Variants in CHMP7 observed in about 807,000 individuals in gnomAD.
CHMP7 encodes charged multivesicular body protein 7.
A neutral mutation model predicts 53.7 loss-of-function variants in CHMP7; 15 were observed. The observed-to-expected ratio is 0.28, with a 90% CI of 0.19 to 0.43. The LOEUF (loss-of-function observed/expected upper bound fraction) is 0.43, where lower values mean the gene tolerates loss of function less well. CHMP7 is among the 20% of genes least tolerant of loss of function. The pLI, the probability that CHMP7 is intolerant of heterozygous loss-of-function variation, is 1.00. For missense variants in CHMP7, 527 were observed against 569.4 expected (o/e 0.93, Z 0.76); for synonymous variants, 261 against 228.0 (o/e 1.14, Z -1.30).
At position 23,260,827 on chromosome 8, in the gene CHMP7, T is replaced by C. The variant is rs1291491047; in HGVS notation, c.*228T>C. ...TGGACCTGCCTTCTCATCTTTATAG[T>C]GCCACGATTTATACAGTCCTGTGTC... On this transcript the variant is annotated 3_prime_UTR_variant, in exon 11 of 11. Coordinates refer to ENST00000397677, the MANE Select transcript of CHMP7 (RefSeq NM_152272.5). 22 of 594,034 alleles carry C rather than the reference T, an allele frequency of 3.7e-5. No individual in the cohort carries two copies. The allele number at this position is 594,034 out of a possible 1,614,324, so 36.8% of individuals were successfully genotyped here.
intron 3 of CHMP7, among the ~76,000 whole-genome samples, chr8:23,254,560 A>ATTT (rs57587219): frequency 9.6e-5 from 14 of 146,088 alleles, no homozygotes; most frequent in African/African-American, 2.8e-4. Flanking sequence ...ACATCCAGCT[A>ATTT]TTTTTTTTTT....
intron 3 of CHMP7, among the ~76,000 whole-genome samples, chr8:23,249,775 A>G (rs984376989): frequency 1.3e-5 from 2 of 152,088 alleles, no homozygotes; most frequent in Non-Finnish European, 2.9e-5. Flanking sequence ...CTACTTTGTG[A>G]CCGTGCCCTT....
intron 3 of CHMP7, 80 bp downstream of exon 3, chr8:23,249,461 A>G (rs1801836476): frequency 2.9e-5 from 34 of 1,155,106 alleles, no homozygotes; most frequent in Non-Finnish European, 3.9e-5. Flanking sequence ...GCGTTCTTGA[A>G]AAAAGACCGT....
chr8:23,258,935 G>A, intron 8 of CHMP7, 105 bp downstream of exon 8: 1 of 1,051,466 alleles, frequency 9.5e-7, no homozygotes. Flanking sequence ...GTGACCTTGT[G>A]AACTTGAGGA....
At chr8:23,257,668 C>T (rs182966446) in intron 5 of CHMP7, among the ~76,000 whole-genome samples, 82 of 152,318 alleles carry the variant, frequency 5.4e-4, no homozygotes, top group Non-Finnish European at 9.1e-4. Context: ...GTCTGTCTTC[C>T]AGGTGGGAAA....
At chr8:23,255,462 C>G in intron 4 of CHMP7, 30 bp downstream of exon 4, 2 of 1,591,474 alleles carry the variant, frequency 1.3e-6, no homozygotes. Flanking sequence ...CATTCACTGA[C>G]TCAGCAGTGA....
intron 3 of CHMP7, among the ~76,000 whole-genome samples, chr8:23,250,736 A>G (rs1801895062): frequency 6.6e-6 from 1 of 151,594 alleles, no homozygotes; most frequent in Admixed American, 6.6e-5. Context: ...ACCAAGCCTG[A>G]CCTCAGGGCC....
intron 4 of CHMP7, 77 bp from the exon 5 acceptor site, chr8:23,256,383 C>A: frequency 2.1e-6 from 2 of 960,888 alleles, no homozygotes; most frequent in Non-Finnish European, 3.4e-6. Flanking sequence ...TTCTCACATG[C>A]CCACCACCAG....
chr8:23,247,823 A>T (rs1801766927), intron 2 of CHMP7, among the ~76,000 whole-genome samples: 1 of 151,850 alleles, frequency 6.6e-6, no homozygotes, highest in South Asian at 2.1e-4. Context: ...AGTCATTTGC[A>T]CTTCAGTGTA....
chr8:23,255,167 G>C (rs757442907), intron 3 of CHMP7, 80 bp from the exon 4 acceptor site: 6 of 1,464,542 alleles, frequency 4.1e-6, no homozygotes, highest in Non-Finnish European at 4.7e-6. Context: ...GTGTGATCAT[G>C]GTTTTGAAAC....
At chr8:23,249,152 A>T in intron 2 of CHMP7, 58 bp from the exon 3 acceptor site, 2 of 1,401,118 alleles carry the variant, frequency 1.4e-6, no homozygotes, top group Non-Finnish European at 1.9e-6. Flanking sequence ...GGAGCTAGAG[A>T]CTGGAATGGG....
At chr8:23,251,701 C>T (rs148618224) in intron 3 of CHMP7, among the ~76,000 whole-genome samples, 151 of 152,330 alleles carry the variant, frequency 9.9e-4, no homozygotes, top group African/African-American at 3.3e-3. Flanking sequence ...TGCCTCTTTC[C>T]AGGCCCTACA....
chr8:23,248,428 C>CA (rs1178878781), intron 2 of CHMP7, among the ~76,000 whole-genome samples: 1 of 152,168 alleles, frequency 6.6e-6, no homozygotes, highest in Non-Finnish European at 1.5e-5. Context: ...AAAGCAGTGT[C>CA]AAAAATCACA....
chr8:23,255,250 A>G lies in CHMP7; in HGVS notation c.475A>G (p.Lys159Glu). ...VLVAVELLKE[K>E]AEEVYRLYQN... ...GCCAATGTTGCCTTTCCCACAGGAA[A>G]AGGCTGAGGAGGTGTATCGTCTGTA... Residue 159 changes from lysine to glutamate, a missense_variant, in exon 4 of 11, where the codon AAG (lysine) becomes GAG (glutamate). Transcript: ENST00000397677. 1 of 1,614,092 alleles carries G rather than the reference A, an allele frequency of 6.2e-7. No individual in the cohort carries two copies. Among genetic ancestry groups the G allele is most frequent in the Non-Finnish European group, 8.5e-7 (1 of 1,180,040 alleles).
intron 3 of CHMP7, among the ~76,000 whole-genome samples, chr8:23,249,839 C>T (rs1489181197): frequency 3.9e-5 from 6 of 152,264 alleles, no homozygotes; most frequent in South Asian, 2.1e-4. Flanking sequence ...TCTTCTCCCT[C>T]GAAGAGGCCA....
Position 23,261,656 on chromosome 8 carries a change from C to G in CHMP7, c.*1057C>G, listed in dbSNP as rs1802395991. 1 of 152,712 alleles carries G rather than the reference C, an allele frequency of 6.5e-6. No individual in the cohort carries two copies. Among genetic ancestry groups the G allele is most frequent in the African/African-American group, 2.4e-5 (1 of 41,450 alleles). 9.5% of individuals were successfully genotyped at this position (152,712 alleles called of 1,614,324 possible). A position where few individuals can be genotyped will look rare whatever the true frequency, so the allele number is the denominator to read the frequency against. On this transcript the variant is annotated 3_prime_UTR_variant, in exon 11 of 11. Transcript: ENST00000397677. Reference sequence around the variant, plus strand: ...GTGCACCTGTCCTGCTTCCTGCAGTCCCCACTCCCTGCCTCCTTTGAGGGA... The same window carrying G: ...GTGCACCTGTCCTGCTTCCTGCAGTGCCCACTCCCTGCCTCCTTTGAGGGA...
intron 3 of CHMP7, among the ~76,000 whole-genome samples, chr8:23,250,531 T>G (rs993466426): frequency 6.6e-6 from 1 of 152,016 alleles, no homozygotes; most frequent in African/African-American, 2.4e-5. Context: ...GTGTCACCAC[T>G]TCCTACCTCC....
Position 23,246,961 on chromosome 8 carries a change from T to A in CHMP7, c.266T>A (p.Leu89Gln). Residue 89 changes from leucine (L) to glutamine (Q), a missense_variant, in exon 2 of 11, where the codon CTG becomes CAG. Transcript: ENST00000397677. Reference protein sequence around the residue: ...EAFQRKGSVPLGLATVLQDLL... With the variant: ...EAFQRKGSVPQGLATVLQDLL... ...TTTCAGCGCAAGGGGAGCGTCCCGC[T>A]GGGGCTGGCCACGGTGCTGCAGGAC... 1 of 1,545,132 alleles carries A rather than the reference T, an allele frequency of 6.5e-7. No individual in the cohort carries two copies. Among genetic ancestry groups the A allele is most frequent in the Non-Finnish European group, 8.7e-7 (1 of 1,149,048 alleles).
intron 3 of CHMP7, 73 bp from the exon 4 acceptor site, chr8:23,255,174 A>G: frequency 2.0e-6 from 3 of 1,517,638 alleles, no homozygotes; most frequent in Non-Finnish European, 2.7e-6. Flanking sequence ...CATGGTTTTG[A>G]AACTCAGGGT....
Sources: gnomAD v4.1 joint callset for allele counts (sites outside exome capture counted in the v4.1 genomes callset) on GRCh38, gnomAD v4.1.1 for gene constraint, MANE v1.5 for transcripts, NCBI Gene and HGNC (gene_info 2026-07-23, HGNC 2026-07-21) for gene names.